The following CPNE4 variants were observed in gnomAD, a reference collection of about 807,000 sequenced individuals.
CPNE4 encodes copine 4.
Under a neutral mutation model 67.9 loss-of-function variants are expected in CPNE4, and 25 were observed. That is an observed-to-expected ratio of 0.37 (90% CI 0.27 to 0.51). CPNE4 has a LOEUF of 0.51. Among genes scored for constraint, CPNE4 ranks in the 20% least tolerant of loss-of-function variants. The pLI, the probability that CPNE4 is intolerant of heterozygous loss-of-function variation, is 0.93. For synonymous variants in CPNE4, 242 were observed against 244.9 expected (o/e 0.99, Z 0.11); for missense variants, 464 against 690.8 (o/e 0.67, Z 3.68).
chr3:131,829,937 T>A (rs1051123482), intron 2 of CPNE4, among the ~76,000 whole-genome samples: 1 of 152,170 alleles, frequency 6.6e-6, no homozygotes, highest in African/African-American at 2.4e-5. Context: ...AATACACACA[T>A]ACACAAACAC....
chr3:131,633,249 T>TG (rs1308958548), intron 7 of CPNE4, among the ~76,000 whole-genome samples: 1 of 152,218 alleles, frequency 6.6e-6, no homozygotes, highest in East Asian at 1.9e-4. Flanking sequence ...CCTGAATTAT[T>TG]GCAATTAGCT....
chr3:131,976,705 G>A (rs775849338), intron 1 of CPNE4, among the ~76,000 whole-genome samples: 12 of 152,022 alleles, frequency 7.9e-5, no homozygotes, highest in Admixed American at 1.3e-4. Flanking sequence ...TTTGGCAGTT[G>A]GCTTTTACAT....
At chr3:131,894,104 G>C (rs1398949372) in intron 2 of CPNE4, among the ~76,000 whole-genome samples, 2 of 151,820 alleles carry the variant, frequency 1.3e-5, no homozygotes, top group African/African-American at 2.4e-5. Context: ...CAACAAATTT[G>C]ATAACATAGA....
At chr3:131,839,587 A>G (rs1286582340) in intron 2 of CPNE4, among the ~76,000 whole-genome samples, 1 of 152,000 alleles carries the variant, frequency 6.6e-6, no homozygotes, top group East Asian at 1.9e-4. Flanking sequence ...TTATGCACAT[A>G]TATTCATTTA....
intron 1 of CPNE4, among the ~76,000 whole-genome samples, chr3:131,954,326 G>A (rs36101593): frequency 0.01 from 1,524 of 152,144 alleles, 12 homozygotes; most frequent in Non-Finnish European, 0.015. Context: ...AGAGATCACC[G>A]GATTCCATTT....
intron 2 of CPNE4, among the ~76,000 whole-genome samples, chr3:131,756,319 T>C (rs1471016306): frequency 6.6e-6 from 1 of 152,176 alleles, no homozygotes; most frequent in Non-Finnish European, 1.5e-5. Flanking sequence ...TATTGTTAGC[T>C]CAGACTTCCA....
chr3:131,794,122 C>A (rs181352394), intron 2 of CPNE4, among the ~76,000 whole-genome samples: 2 of 152,180 alleles, frequency 1.3e-5, no homozygotes, highest in Non-Finnish European at 2.9e-5. Context: ...CTCTGACTGC[C>A]TCTGAGGAAT....
chr3:131,786,976 G>A (rs534829568), intron 2 of CPNE4, among the ~76,000 whole-genome samples: 57 of 152,246 alleles, frequency 3.7e-4, no homozygotes, highest in Middle Eastern at 3.4e-3. Context: ...CTGCCAGACG[G>A]TTTCCTGCAC....
At chr3:131,898,815 C>T (rs1375328954) in intron 2 of CPNE4, among the ~76,000 whole-genome samples, 1 of 151,994 alleles carries the variant, frequency 6.6e-6, no homozygotes, top group African/African-American at 2.4e-5. Context: ...CTAATATCAC[C>T]AAGATCAGCT....
chr3:131,998,304 T>C (rs1007718588), intron 1 of CPNE4, among the ~76,000 whole-genome samples: 2 of 152,132 alleles, frequency 1.3e-5, no homozygotes, highest in Non-Finnish European at 2.9e-5. Context: ...GTGTACTAAC[T>C]ATCCTGTAAG....
At chr3:131,555,037 A>G (rs1488613957) in intron 12 of CPNE4, among the ~76,000 whole-genome samples, 3 of 152,062 alleles carry the variant, frequency 2.0e-5, no homozygotes, top group Non-Finnish European at 2.9e-5. Context: ...AAGTCATAAT[A>G]GTTCTTTCTT....
chr3:131,625,124 A>G (rs1177490838), intron 7 of CPNE4, among the ~76,000 whole-genome samples: 1 of 152,102 alleles, frequency 6.6e-6, no homozygotes, highest in Non-Finnish European at 1.5e-5. Flanking sequence ...AGGGTCTCAT[A>G]TATAACTTAT....
chr3:131,792,925 G>GTGTGTGTATA (rs58502463), intron 2 of CPNE4, among the ~76,000 whole-genome samples: 4,078 of 135,084 alleles, frequency 0.03, 114 homozygotes, highest in African/African-American at 0.073. Context: ...GTGTGTGTGT[G>GTGTGTGTATA]TATCTCCAAC....
intron 1 of CPNE4, among the ~76,000 whole-genome samples, chr3:131,977,682 T>C (rs1436859870): frequency 6.6e-6 from 1 of 152,128 alleles, no homozygotes; most frequent in Non-Finnish European, 1.5e-5. Context: ...TTAAAGATTT[T>C]TATTAAAAAT....
rs369659232 is a variant in CPNE4, at chr3:131,806,311, G to A, written c.181-82686C>T. 1.1e-4 allele frequency among the ~76,000 whole-genome samples: 17 copies of A among 152,270 alleles called. 1 individual carries two copies. The highest frequency in any genetic ancestry group is 4.1e-4 in the African/African-American group (17 of 41,572). ...CATGCCTGTAATCCCAGCACTTTGG[G>A]AGCCCGAGGCGGGTAGATCATGAGG... On this transcript the variant is annotated intron_variant, in intron 2 of 15. Transcript: ENST00000429747.
intron 3 of CPNE4, among the ~76,000 whole-genome samples, chr3:131,705,097 C>CTTG: frequency 6.8e-6 from 1 of 147,838 alleles, no homozygotes; most frequent in African/African-American, 2.5e-5. Context: ...CACTCTTCCT[C>CTTG]CTCACTTGCT....
At chr3:131,593,665 T>G (rs1489897716) in intron 7 of CPNE4, among the ~76,000 whole-genome samples, 1 of 152,178 alleles carries the variant, frequency 6.6e-6, no homozygotes, top group African/African-American at 2.4e-5. Context: ...TTATTTTATC[T>G]TCCCTAATTG....
At chr3:131,708,999 T>A (rs796986851) in intron 3 of CPNE4, among the ~76,000 whole-genome samples, 1 of 129,006 alleles carries the variant, frequency 7.8e-6, no homozygotes, top group Admixed American at 7.9e-5. Context: ...TATATATACA[T>A]ACACACATAA....
At chr3:131,683,214 A>G (rs1195379214) in intron 6 of CPNE4, among the ~76,000 whole-genome samples, 1 of 152,116 alleles carries the variant, frequency 6.6e-6, no homozygotes. Context: ...ATATCTCCCA[A>G]TAGCCACCAT....
Sources: allele counts gnomAD v4.1 joint callset (sites outside exome capture counted in the v4.1 genomes callset), GRCh38; gene constraint gnomAD v4.1.1; transcripts MANE v1.5; gene names NCBI Gene and HGNC (gene_info 2026-07-23, HGNC 2026-07-21).